Variants in PPARGC1A observed in about 807,000 individuals in gnomAD.
PPARGC1A encodes PPARG coactivator 1 alpha.
Under a neutral mutation model 88.7 loss-of-function variants are expected in PPARGC1A, and 25 were observed. That is an observed-to-expected ratio of 0.28 (90% CI 0.21 to 0.39). The LOEUF (loss-of-function observed/expected upper bound fraction) is 0.39. Ranked by LOEUF, PPARGC1A falls within the 10% of genes least tolerant of loss-of-function variation. The pLI is 1.00. For synonymous variants in PPARGC1A, 363 were observed against 355.6 expected (o/e 1.02, Z -0.24); for missense variants, 880 against 968.7 (o/e 0.91, Z 1.22).
chr4:23,962,974 G>C, the PPARGC1A span, among the ~76,000 whole-genome samples: 5 of 152,138 alleles, frequency 3.3e-5, no homozygotes, highest in South Asian at 2.1e-4. Context: ...GCTCATGAGC[G>C]GGGGAAAGTG....
At chr4:23,928,306 G>A in the PPARGC1A span, among the ~76,000 whole-genome samples, 1 of 152,010 alleles carries the variant, frequency 6.6e-6, no homozygotes, top group African/African-American at 2.4e-5. Context: ...TATTTCTCTT[G>A]TATCTCCAGG....
the PPARGC1A span, among the ~76,000 whole-genome samples, chr4:24,344,164 G>A: frequency 6.6e-6 from 1 of 151,860 alleles, no homozygotes. Context: ...GGGCATTTGG[G>A]TTCATTCTAC....
chr4:23,930,085 T>C, the PPARGC1A span, among the ~76,000 whole-genome samples: 1 of 152,204 alleles, frequency 6.6e-6, no homozygotes, highest in African/African-American at 2.4e-5. Flanking sequence ...ATCCTTGACA[T>C]CTTTAAATGA....
chr4:24,146,463 A>G, the PPARGC1A span, among the ~76,000 whole-genome samples: 5 of 152,228 alleles, frequency 3.3e-5, no homozygotes, highest in East Asian at 1.9e-4. Context: ...TGCTCTATCA[A>G]TGTGAACCAG....
the PPARGC1A span, among the ~76,000 whole-genome samples, chr4:24,228,789 G>A: frequency 6.6e-6 from 1 of 152,174 alleles, no homozygotes; most frequent in Non-Finnish European, 1.5e-5. Context: ...GAATTTTCAT[G>A]AACCAATTAA....
At chr4:23,820,117 T>C (rs1161463579) in intron 7 of PPARGC1A, among the ~76,000 whole-genome samples, 5 of 152,306 alleles carry the variant, frequency 3.3e-5, no homozygotes, top group East Asian at 1.9e-4. Context: ...AGTATTTTGT[T>C]GTTGTTTATT....
chr4:24,196,027 TTCTC>T, the PPARGC1A span, among the ~76,000 whole-genome samples: 3 of 152,220 alleles, frequency 2.0e-5, no homozygotes, highest in Non-Finnish European at 4.4e-5. Context: ...GCCATGGGGT[TTCTC>T]TCTATTTCAT....
chr4:24,470,152 G>A, the PPARGC1A span, among the ~76,000 whole-genome samples: 4 of 152,058 alleles, frequency 2.6e-5, no homozygotes, highest in African/African-American at 7.2e-5. This position sits in a 1 kb window ranked among gnomAD's most constrained non-coding sequence, Gnocchi z 5.8. Flanking sequence ...ACTGGGGGGC[G>A]CGGCGCTGCC....
chr4:23,982,681 A>C, the PPARGC1A span, among the ~76,000 whole-genome samples: 1 of 152,182 alleles, frequency 6.6e-6, no homozygotes, highest in Non-Finnish European at 1.5e-5. Flanking sequence ...TGGCTCTGTC[A>C]CTGATCAGCT....
At chr4:24,439,685 A>C in the PPARGC1A span, among the ~76,000 whole-genome samples, 4 of 152,230 alleles carry the variant, frequency 2.6e-5, no homozygotes, top group Admixed American at 2.6e-4. Context: ...GCGTCTCAAC[A>C]GTAGGCATAG....
At chr4:23,967,498 G>GAGA in the PPARGC1A span, among the ~76,000 whole-genome samples, 70 of 152,180 alleles carry the variant, frequency 4.6e-4, no homozygotes, top group Non-Finnish European at 8.1e-4. Context: ...TTAGTCTGCC[G>GAGA]ACTCGGGAAC....
At chr4:24,021,534 T>A in the PPARGC1A span, among the ~76,000 whole-genome samples, 1 of 128,778 alleles carries the variant, frequency 7.8e-6, no homozygotes, top group South Asian at 2.7e-4. Flanking sequence ...GGGTGAGAAG[T>A]GGGGGGCATA....
intron 5 of PPARGC1A, among the ~76,000 whole-genome samples, chr4:23,825,929 T>A (rs748777571): frequency 3.4e-4 from 52 of 152,306 alleles, no homozygotes; most frequent in Non-Finnish European, 7.2e-4. Flanking sequence ...CCAAGTTTTA[T>A]GATACTCAAC....
chr4:24,100,999 G>A, the PPARGC1A span, among the ~76,000 whole-genome samples: 16 of 152,298 alleles, frequency 1.1e-4, no homozygotes, highest in Admixed American at 5.2e-4. Flanking sequence ...TTTCAGGGAG[G>A]AGGTGGTAAG....
the PPARGC1A span, among the ~76,000 whole-genome samples, chr4:24,105,848 G>C: frequency 6.6e-6 from 1 of 152,138 alleles, no homozygotes; most frequent in African/African-American, 2.4e-5. Flanking sequence ...TCGGAGAAGA[G>C]GCCCCAGCTC....
chr4:24,118,488 C>A, the PPARGC1A span, among the ~76,000 whole-genome samples: 1 of 152,188 alleles, frequency 6.6e-6, no homozygotes, highest in South Asian at 2.1e-4. Flanking sequence ...AATAGAATGT[C>A]ATTTTTGTCT....
At chr4:23,840,955 G>A (rs1237888132) in intron 2 of PPARGC1A, among the ~76,000 whole-genome samples, 2 of 152,062 alleles carry the variant, frequency 1.3e-5, no homozygotes, top group Non-Finnish European at 2.9e-5. Context: ...TATTCTTAGT[G>A]GGGAAGAAAG....
the PPARGC1A span, among the ~76,000 whole-genome samples, chr4:24,255,134 C>T: frequency 2.6e-4 from 39 of 152,260 alleles, 1 homozygote; most frequent in African/African-American, 9.1e-4. Context: ...TGTAAATATA[C>T]ATTTAAAGAG....
the PPARGC1A span, among the ~76,000 whole-genome samples, chr4:24,345,268 ATT>A: frequency 4.4e-4 from 65 of 147,564 alleles, no homozygotes; most frequent in African/African-American, 8.7e-4. Flanking sequence ...GAATTTTAGA[ATT>A]TTTTTTTTTT....
Sources: allele counts gnomAD v4.1 joint callset (sites outside exome capture counted in the v4.1 genomes callset), GRCh38; gene constraint gnomAD v4.1.1; non-coding constraint Gnocchi (gnomAD v3.1); transcripts MANE v1.5; gene names NCBI Gene and HGNC (gene_info 2026-07-23, HGNC 2026-07-21).